SPAG16: variants seen among roughly 807,000 people sequenced by gnomAD.
The protein encoded by SPAG16 is sperm associated antigen 16, also known as sperm-associated antigen 16 protein.
SPAG16 carries 86 observed loss-of-function variants against 80.4 expected under a neutral mutation model. The observed-to-expected ratio is 1.07, with a 90% CI of 0.90 to 1.28. SPAG16 has a LOEUF of 1.28. Among genes scored for constraint, SPAG16 ranks in the 50% most tolerant of loss-of-function variants. The probability of loss-of-function intolerance (pLI) is 0.00; values close to 1 mark genes in which losing one functional copy is unlikely to be tolerated. For synonymous variants in SPAG16, 294 were observed against 265.9 expected, an observed-to-expected ratio of 1.11 and a Z score of -1.03; for missense variants, 870 against 765.3, an observed-to-expected ratio of 1.14 and a Z score of -1.61.
intron 15 of SPAG16, among the ~76,000 whole-genome samples, chr2:214,171,955 T>C (rs2125636131): frequency 6.6e-6 from 1 of 152,096 alleles, no homozygotes; most frequent in Middle Eastern, 3.4e-3. Context: ...CAGATCAACA[T>C]ATTCATCACT....
At chr2:213,371,184 G>A (rs931810490) in intron 8 of SPAG16, among the ~76,000 whole-genome samples, 60 of 151,860 alleles carry the variant, frequency 4.0e-4, no homozygotes, top group Non-Finnish European at 1.0e-4. Flanking sequence ...CGACGCAGGC[G>A]GATCACGAGG....
At position 214,162,127 on chromosome 2, in the gene SPAG16, C is replaced by T. The variant is rs144024850; in HGVS notation, c.1720+12861C>T. ...CTGACTTATAGAAGCATTTGTTTCT[C>T]GTTCCCTTATCAGAAAGCTTCAGGA... On this transcript the variant is annotated intron_variant, in intron 15 of 15. Coordinates refer to ENST00000331683, the MANE Select transcript of SPAG16 (RefSeq NM_024532.5). Among the ~76,000 whole-genome samples, 800 of 152,186 alleles carry T rather than the reference C, an allele frequency of 5.3e-3. 3 individuals are homozygous for T. Among genetic ancestry groups the T allele is most frequent in the South Asian group, 0.018 (86 of 4,824 alleles).
intron 13 of SPAG16, among the ~76,000 whole-genome samples, chr2:214,062,525 A>T (rs1236058694): frequency 1.3e-5 from 2 of 151,810 alleles, no homozygotes; most frequent in African/African-American, 4.8e-5. Flanking sequence ...AACCCATTTC[A>T]ATTGATGGCA....
intron 8 of SPAG16, among the ~76,000 whole-genome samples, chr2:213,370,348 T>A (rs1253899623): frequency 6.6e-6 from 1 of 152,158 alleles, no homozygotes; most frequent in Non-Finnish European, 1.5e-5. Context: ...TATCAGAAGG[T>A]GTATACCAGG....
chr2:214,012,288 ATTTT>A (rs778689045), intron 12 of SPAG16, among the ~76,000 whole-genome samples: 3 of 46,818 alleles, frequency 6.4e-5, no homozygotes, highest in East Asian at 6.6e-4. Flanking sequence ...ATATATATAT[ATTTT>A]TTTTTTTTTT....
At chr2:213,996,597 C>G in intron 12 of SPAG16, among the ~76,000 whole-genome samples, 1 of 124,294 alleles carries the variant, frequency 8.0e-6, no homozygotes, top group Non-Finnish European at 1.6e-5. Flanking sequence ...GAGATGGAGT[C>G]TCTCCCTGTC....
intron 15 of SPAG16, among the ~76,000 whole-genome samples, chr2:214,204,479 C>T (rs1239673214): frequency 6.6e-6 from 1 of 152,208 alleles, no homozygotes; most frequent in African/African-American, 2.4e-5. Context: ...GGCTGGGAGA[C>T]CTGAAGACAG....
intron 10 of SPAG16, among the ~76,000 whole-genome samples, chr2:213,680,248 C>T (rs2064310317): frequency 1.3e-5 from 2 of 152,016 alleles, no homozygotes; most frequent in South Asian, 4.2e-4. Context: ...CCACCTAGTC[C>T]CTTTGATAAG....
chr2:214,052,953 CAG>C (rs1175526648), intron 13 of SPAG16, among the ~76,000 whole-genome samples: 2 of 152,202 alleles, frequency 1.3e-5, no homozygotes, highest in South Asian at 2.1e-4. Context: ...CTAGAAATGA[CAG>C]AGTTTTTTCT....
At chr2:213,971,929 TG>T (rs1263209735) in intron 12 of SPAG16, among the ~76,000 whole-genome samples, 5 of 151,246 alleles carry the variant, frequency 3.3e-5, no homozygotes, top group Non-Finnish European at 5.9e-5. Context: ...GATATCTAAT[TG>T]TGTGTGTGTG....
intron 15 of SPAG16, among the ~76,000 whole-genome samples, chr2:214,166,663 CT>C (rs988330079): frequency 3.3e-5 from 5 of 152,098 alleles, no homozygotes; most frequent in Non-Finnish European, 7.4e-5. Flanking sequence ...TAAAACTTCC[CT>C]CTGAGAGTGG....
intron 10 of SPAG16, among the ~76,000 whole-genome samples, chr2:213,551,574 G>T (rs977285234): frequency 2.0e-5 from 3 of 152,170 alleles, no homozygotes; most frequent in African/African-American, 7.2e-5. Flanking sequence ...ATCTGTGCAG[G>T]TTTCTATTCA....
At chr2:213,420,559 G>A (rs1459855010) in intron 9 of SPAG16, among the ~76,000 whole-genome samples, 4 of 152,180 alleles carry the variant, frequency 2.6e-5, no homozygotes, top group Non-Finnish European at 5.9e-5. Context: ...AGTGAAGGAC[G>A]TGAATATGTA....
At chr2:213,779,167 A>G (rs1021044875) in intron 10 of SPAG16, among the ~76,000 whole-genome samples, 3 of 152,156 alleles carry the variant, frequency 2.0e-5, no homozygotes, top group African/African-American at 7.2e-5. Flanking sequence ...TTGCTACTCC[A>G]TAAGTTTTCT....
intron 10 of SPAG16, among the ~76,000 whole-genome samples, chr2:213,651,281 GATCA>G (rs2063009034): frequency 6.6e-6 from 1 of 152,130 alleles, no homozygotes; most frequent in Non-Finnish European, 1.5e-5. Flanking sequence ...TCTAGGGCAG[GATCA>G]GTCAGGAAGG....
chr2:213,675,229 C>G (rs1019320009), intron 10 of SPAG16, among the ~76,000 whole-genome samples: 2 of 151,942 alleles, frequency 1.3e-5, no homozygotes, highest in African/African-American at 2.4e-5. Flanking sequence ...TTTTGATGGG[C>G]TTGTTTGCTT....
At chr2:213,652,411 T>G (rs773880609) in intron 10 of SPAG16, among the ~76,000 whole-genome samples, 1 of 152,160 alleles carries the variant, frequency 6.6e-6, no homozygotes, top group Admixed American at 6.5e-5. Flanking sequence ...TAAAATGTGG[T>G]AATCATGTAT....
rs140661486 is a variant in SPAG16, at chr2:213,724,409, G to A, written c.1071-138076G>A. On this transcript the variant is annotated intron_variant, in intron 10 of 15. Transcript: ENST00000331683. ...AAAATGTTACCCTGGAATTTCTAGT[G>A]AGGGAGACAATATTTAAAATGCTAA... Among the ~76,000 whole-genome samples the A allele has an allele frequency of 2.0e-5, 3 of 152,264 alleles. No individual in the cohort carries two copies. The East Asian group carries it at 5.8e-4, about 29-fold the overall frequency.
chr2:213,515,613 T>C (rs904203540), intron 10 of SPAG16, among the ~76,000 whole-genome samples: 10 of 152,340 alleles, frequency 6.6e-5, no homozygotes, highest in Admixed American at 2.0e-4. Flanking sequence ...TCTATACTTA[T>C]GCCTGGGGGA....
Sources: gnomAD v4.1 joint callset for allele counts (sites outside exome capture counted in the v4.1 genomes callset) on GRCh38, gnomAD v4.1.1 for gene constraint, MANE v1.5 for transcripts, NCBI Gene and HGNC (gene_info 2026-07-23, HGNC 2026-07-21) for gene names.